KLHL32: variants seen among roughly 807,000 people sequenced by gnomAD.
The protein encoded by KLHL32 is kelch-like protein 32.
KLHL32 carries 35 observed loss-of-function variants against 64.8 expected under a neutral mutation model. That is an observed-to-expected ratio of 0.54 (90% CI 0.41 to 0.72). The LOEUF is 0.72. Among genes scored for constraint, KLHL32 ranks in the 30% least tolerant of loss-of-function variants. The probability of loss-of-function intolerance (pLI) is 0.00; values close to 1 mark genes in which losing one functional copy is unlikely to be tolerated. For synonymous variants in KLHL32, 259 were observed against 281.0 expected (o/e 0.92, Z 0.78); for missense variants, 589 against 768.5 (o/e 0.77, Z 2.76).
intron 5 of KLHL32, among the ~76,000 whole-genome samples, chr6:97,077,574 G>T (rs10456880): frequency 6.6e-6 from 1 of 152,104 alleles, no homozygotes; most frequent in Non-Finnish European, 1.5e-5. Context: ...CCACAAGAGG[G>T]CATTCCATTT....
At chr6:96,970,385 A>G (rs1210412598) in intron 2 of KLHL32, among the ~76,000 whole-genome samples, 2 of 152,160 alleles carry the variant, frequency 1.3e-5, no homozygotes, top group Non-Finnish European at 2.9e-5. Flanking sequence ...GACACTCTAT[A>G]AGGGCCATGC....
intron 6 of KLHL32, among the ~76,000 whole-genome samples, chr6:97,103,590 T>C (rs923563730): frequency 6.6e-6 from 1 of 152,224 alleles, no homozygotes; most frequent in Non-Finnish European, 1.5e-5. Flanking sequence ...TTGGCACAAA[T>C]TTTATTTTTA....
At chr6:97,119,393 C>G (rs945493969) in intron 7 of KLHL32, among the ~76,000 whole-genome samples, 9 of 152,066 alleles carry the variant, frequency 5.9e-5, no homozygotes, top group Non-Finnish European at 1.0e-4. Context: ...GAGGAGGAGG[C>G]AGAGAGTGTG....
chr6:96,914,118 AG>A, the KLHL32 span, among the ~76,000 whole-genome samples: 6 of 152,288 alleles, frequency 3.9e-5, no homozygotes, highest in South Asian at 1.2e-3. Flanking sequence ...CAAGCAAAAA[AG>A]GGTGGATGAC....
intron 6 of KLHL32, among the ~76,000 whole-genome samples, chr6:97,108,035 G>T (rs904133892): frequency 1.3e-5 from 2 of 152,180 alleles, no homozygotes; most frequent in African/African-American, 4.8e-5. Flanking sequence ...CAGGGTGCTT[G>T]AGAGACCTCC....
chr6:96,988,301 A>G (rs1333413915), intron 3 of KLHL32, among the ~76,000 whole-genome samples: 1 of 152,276 alleles, frequency 6.6e-6, no homozygotes, highest in African/African-American at 2.4e-5. Context: ...AAGGATATGA[A>G]CAGACACTTC....
chr6:96,964,994 C>A (rs1774293826), intron 1 of KLHL32, among the ~76,000 whole-genome samples: 1 of 152,162 alleles, frequency 6.6e-6, no homozygotes. Context: ...TTAGCCCATG[C>A]CCCCAGTCCC....
chr6:97,037,539 A>G (rs1317409260), intron 3 of KLHL32, among the ~76,000 whole-genome samples: 1 of 152,188 alleles, frequency 6.6e-6, no homozygotes, highest in Non-Finnish European at 1.5e-5. Flanking sequence ...GATGATGCCA[A>G]AAAAAGGGAA....
chr6:97,130,088 C>G (rs1386296938), intron 8 of KLHL32, among the ~76,000 whole-genome samples: 2 of 152,166 alleles, frequency 1.3e-5, no homozygotes, highest in Non-Finnish European at 2.9e-5. Context: ...TTGGAAAGAA[C>G]AGCAAAACCA....
intron 1 of KLHL32, among the ~76,000 whole-genome samples, chr6:96,925,540 A>G (rs1769033988): frequency 6.6e-6 from 1 of 152,174 alleles, no homozygotes; most frequent in African/African-American, 2.4e-5. Flanking sequence ...CATTTTGGTG[A>G]TCTTATAAAG....
In KLHL32 at chr6:97,021,262, G is replaced by A. The variant is rs939742666; in HGVS notation, c.205-20230G>A. ...TGTCACTGATGTTTGCTGTATGAAT[G>A]ACCACATCACCATGTAGTGAGGATA... is the stretch of plus-strand genomic sequence containing the variant. On this transcript the variant is annotated intron_variant, in intron 3 of 10. Coordinates refer to ENST00000369261, the MANE Select transcript of KLHL32 (RefSeq NM_052904.4). 2.0e-5 allele frequency among the ~76,000 whole-genome samples: 3 copies of A among 150,860 alleles called. No individual in the cohort carries two copies. The South Asian group carries it at 6.2e-4, about 31-fold the overall frequency.
At chr6:96,922,923 C>T (rs931989607), upstream of KLHL32, among the ~76,000 whole-genome samples, 2 of 152,182 alleles carry the variant, frequency 1.3e-5, no homozygotes, top group African/African-American at 4.8e-5. Flanking sequence ...ATCTTGCCCT[C>T]TCTGAACTAG....
intron 1 of KLHL32, among the ~76,000 whole-genome samples, chr6:96,942,078 T>A (rs1487371497): frequency 6.6e-6 from 1 of 152,220 alleles, no homozygotes; most frequent in Non-Finnish European, 1.5e-5. Flanking sequence ...CTTAACTATC[T>A]TGGGCCATGA....
chr6:96,972,331 C>G (rs1176914997), intron 2 of KLHL32, among the ~76,000 whole-genome samples: 1 of 152,048 alleles, frequency 6.6e-6, no homozygotes, highest in Non-Finnish European at 1.5e-5. Flanking sequence ...TTTGGACTGG[C>G]CATATTTCAA....
intron 2 of KLHL32, among the ~76,000 whole-genome samples, chr6:96,971,461 T>C (rs1006019307): frequency 6.6e-6 from 1 of 152,244 alleles, no homozygotes; most frequent in African/African-American, 2.4e-5. Flanking sequence ...TTAGTTTTTG[T>C]GATCAATTCC....
chr6:97,043,916 G>T (rs1472412762), intron 4 of KLHL32, among the ~76,000 whole-genome samples: 1 of 151,668 alleles, frequency 6.6e-6, no homozygotes, highest in Non-Finnish European at 1.5e-5. Flanking sequence ...TCATCTTCTT[G>T]TGATGGCTCT....
chr6:97,040,567 C>G (rs1295198255), intron 3 of KLHL32, among the ~76,000 whole-genome samples: 2 of 152,142 alleles, frequency 1.3e-5, no homozygotes, highest in Admixed American at 6.5e-5. Context: ...CATTGGGGCC[C>G]TGAGAGTCTG....
Position 97,114,034 on chromosome 6 carries a change from C to A in KLHL32, c.879C>A (p.Ile293=), listed in dbSNP as rs1349393056. The change falls in exon 7 of 11, where the codon ATC becomes ATA. Residue 293 remains isoleucine (I), a synonymous_variant. Coordinates refer to ENST00000369261, the MANE Select transcript of KLHL32 (RefSeq NM_052904.4). ...GATTCCAGTCAGACACTCTGTATATCATTGGTGGGAAAAAGCGCGAGGTCT... is the reference window on the plus strand; with the variant it reads ...GATTCCAGTCAGACACTCTGTATATAATTGGTGGGAAAAAGCGCGAGGTCT... ...KPRFQSDTLY[I]IGGKKREVCK... The A allele has an allele frequency of 6.2e-7, 1 of 1,614,084 alleles. No homozygotes were observed. Among genetic ancestry groups the A allele is most frequent in the Non-Finnish European group, 8.5e-7 (1 of 1,180,048 alleles).
At chr6:97,042,521 G>T (rs890033794) in intron 4 of KLHL32, among the ~76,000 whole-genome samples, 1 of 152,046 alleles carries the variant, frequency 6.6e-6, no homozygotes, top group Non-Finnish European at 1.5e-5. Context: ...AATAATAATT[G>T]TATATACTTA....
Sources: gnomAD v4.1 joint callset for allele counts (sites outside exome capture counted in the v4.1 genomes callset) on GRCh38, gnomAD v4.1.1 for gene constraint, MANE v1.5 for transcripts, NCBI Gene and HGNC (gene_info 2026-07-23, HGNC 2026-07-21) for gene names.